DPP10: variants seen among roughly 807,000 people sequenced by gnomAD.
DPP10 encodes the protein inactive dipeptidyl peptidase 10.
A neutral mutation model predicts 120.9 loss-of-function variants in DPP10; 33 were observed. That is an observed-to-expected ratio of 0.27 (90% CI 0.21 to 0.37). The LOEUF (loss-of-function observed/expected upper bound fraction) is 0.37. Among genes scored for constraint, DPP10 ranks in the 10% least tolerant of loss-of-function variants. The probability of loss-of-function intolerance (pLI) is 1.00; values close to 1 mark genes in which losing one functional copy is unlikely to be tolerated. For synonymous variants in DPP10, 337 were observed against 326.1 expected, an observed-to-expected ratio of 1.03 and a Z score of -0.36; for missense variants, 816 against 942.8, an observed-to-expected ratio of 0.87 and a Z score of 1.76.
intron 5 of DPP10, among the ~76,000 whole-genome samples, chr2:115,678,404 A>G (rs528945145): frequency 6.6e-6 from 1 of 152,230 alleles, no homozygotes; most frequent in Non-Finnish European, 1.5e-5. Context: ...AGCTCTGGCC[A>G]TTGCTTCAGG....
chr2:114,614,922 A>G (rs1693564764), intron 1 of DPP10, among the ~76,000 whole-genome samples: 2 of 152,290 alleles, frequency 1.3e-5, no homozygotes, highest in African/African-American at 4.8e-5. Context: ...AAACCACCAG[A>G]TTGACAGATT....
At chr2:114,664,500 G>C (rs530469293) in intron 1 of DPP10, among the ~76,000 whole-genome samples, 6 of 151,736 alleles carry the variant, frequency 4.0e-5, no homozygotes, top group Admixed American at 6.6e-5. Flanking sequence ...GTGGTGGTGC[G>C]CACCTGTTAT....
At chr2:115,163,930 C>G (rs1460636807) in intron 1 of DPP10, among the ~76,000 whole-genome samples, 4 of 152,192 alleles carry the variant, frequency 2.6e-5, no homozygotes, top group African/African-American at 7.2e-5. Flanking sequence ...CAGGATTAAT[C>G]TGGTACTTAA....
chr2:115,825,473 T>C (rs530519165), intron 21 of DPP10, among the ~76,000 whole-genome samples: 50 of 152,350 alleles, frequency 3.3e-4, no homozygotes, highest in African/African-American at 1.1e-3. Context: ...CTGTATGCTT[T>C]GTCAAGTTAG....
chr2:115,435,051 C>CATATATATATAT (rs58828924), intron 3 of DPP10, among the ~76,000 whole-genome samples: 4 of 148,108 alleles, frequency 2.7e-5, no homozygotes, highest in Non-Finnish European at 6.0e-5. Context: ...CACATGCACA[C>CATATATATATAT]ATATATATAT....
intron 1 of DPP10, among the ~76,000 whole-genome samples, chr2:114,815,393 C>A (rs181417420): frequency 1.3e-5 from 2 of 152,260 alleles, no homozygotes; most frequent in African/African-American, 4.8e-5. Flanking sequence ...GTCCCTGTCA[C>A]ACATTAGCTA....
intron 1 of DPP10, among the ~76,000 whole-genome samples, chr2:114,956,779 A>C (rs886070483): frequency 2.6e-5 from 4 of 152,138 alleles, no homozygotes; most frequent in African/African-American, 7.2e-5. Context: ...TGGAGAGCCC[A>C]GAAATTAACC....
chr2:115,433,584 G>T (rs991307805), intron 3 of DPP10, among the ~76,000 whole-genome samples: 1 of 151,652 alleles, frequency 6.6e-6, no homozygotes, highest in South Asian at 2.1e-4. Context: ...TTTTTTTCTA[G>T]TTAGAATTCA....
chr2:114,755,965 A>AG (rs1466431699), intron 1 of DPP10, among the ~76,000 whole-genome samples: 4 of 151,720 alleles, frequency 2.6e-5, no homozygotes, highest in Non-Finnish European at 4.4e-5. Flanking sequence ...AAAAAAAAAA[A>AG]AAAGAAATTA....
At chr2:114,570,147 C>T (rs1689514700) in intron 1 of DPP10, among the ~76,000 whole-genome samples, 1 of 152,150 alleles carries the variant, frequency 6.6e-6, no homozygotes, top group Non-Finnish European at 1.5e-5. Flanking sequence ...CTCCTCAAGG[C>T]CAGGTGCTAT....
At chr2:115,219,443 AAC>A (rs1296896383) in intron 1 of DPP10, among the ~76,000 whole-genome samples, 2 of 152,030 alleles carry the variant, frequency 1.3e-5, no homozygotes, top group East Asian at 3.9e-4. Context: ...CACACACACA[AAC>A]ACACATATAC....
chr2:115,396,306 T>C (rs2067673846), intron 3 of DPP10, among the ~76,000 whole-genome samples: 1 of 152,214 alleles, frequency 6.6e-6, no homozygotes, highest in Non-Finnish European at 1.5e-5. Context: ...ACTGTGCTCA[T>C]TTGTGATCAT....
At chr2:114,459,124 C>G (rs1331538691) in intron 1 of DPP10, among the ~76,000 whole-genome samples, 7 of 152,130 alleles carry the variant, frequency 4.6e-5, no homozygotes, top group African/African-American at 1.7e-4. Flanking sequence ...TAACACAAAA[C>G]GAGCTAAAGA....
intron 1 of DPP10, among the ~76,000 whole-genome samples, chr2:115,126,944 A>AT (rs1224549510): frequency 1.3e-5 from 2 of 152,206 alleles, no homozygotes; most frequent in Admixed American, 6.5e-5. Context: ...TCAATAGCAT[A>AT]TTTTTTTGAA....
chr2:114,897,957 A>C lies in DPP10; in HGVS notation c.61-411282A>C, dbSNP rs542821831. Among the ~76,000 whole-genome samples the C allele has an allele frequency of 2.3e-3, 343 of 152,298 alleles. 1 individual carries two copies. The highest frequency in any genetic ancestry group is 4.3e-3 in the Non-Finnish European group (292 of 68,038). On this transcript the variant is annotated intron_variant, in intron 1 of 25. Transcript: ENST00000410059. ...CAGTGTGGCAATTCCTCAGGGATCT[A>C]GAACTAGAAATACCATTTGACCCAG...
rs545179341 is a variant in DPP10 at position 115,327,419 on chromosome 2, G to C, written c.176-16398G>C. Among the ~76,000 whole-genome samples the C allele has an allele frequency of 3.9e-5, 6 of 152,084 alleles. No homozygotes were observed. The East Asian group carries it at 1.2e-3, about 29-fold the overall frequency. ...GAAAAGCTCACTAGAGAATTATTGA[G>C]AAATGATCAAACTTAAGATGGAGAA... is the stretch of plus-strand genomic sequence containing the variant. On this transcript the variant is annotated intron_variant, in intron 2 of 25. Coordinates refer to ENST00000410059, the MANE Select transcript of DPP10 (RefSeq NM_020868.6).
chr2:115,541,578 A>G (rs896382993), intron 5 of DPP10, among the ~76,000 whole-genome samples: 1 of 151,944 alleles, frequency 6.6e-6, no homozygotes, highest in Non-Finnish European at 1.5e-5. Flanking sequence ...TAGAAAGTTC[A>G]GATAATTTGC....
intron 19 of DPP10, among the ~76,000 whole-genome samples, chr2:115,793,489 T>A (rs1684213712): frequency 6.6e-6 from 1 of 152,030 alleles, no homozygotes; most frequent in Admixed American, 6.6e-5. Flanking sequence ...GCATTACTTA[T>A]AAATGCAAAA....
intron 19 of DPP10, among the ~76,000 whole-genome samples, chr2:115,794,941 G>A (rs1037938947): frequency 6.6e-6 from 1 of 152,082 alleles, no homozygotes; most frequent in African/African-American, 2.4e-5. Flanking sequence ...TGGCTATGGG[G>A]AGATAACAAG....
Sources: gnomAD v4.1 joint callset for allele counts (sites outside exome capture counted in the v4.1 genomes callset) on GRCh38, gnomAD v4.1.1 for gene constraint, MANE v1.5 for transcripts, NCBI Gene and HGNC (gene_info 2026-07-23, HGNC 2026-07-21) for gene names.